Variants in KIR2DL3 observed in about 807,000 individuals in gnomAD.
KIR2DL3 encodes killer cell immunoglobulin like receptor, two Ig domains and long cytoplasmic tail 3, also known as killer cell immunoglobulin-like receptor 2DL3.
Under a neutral mutation model 33.8 loss-of-function variants are expected in KIR2DL3, and 39 were observed. The ratio of observed to expected loss-of-function variants is 1.15; its 90% CI spans 0.89 to 1.51. The LOEUF is 1.51. Ranked by LOEUF, KIR2DL3 falls within the 40% of genes most tolerant of loss-of-function variation. The probability of loss-of-function intolerance (pLI) is 0.00; values close to 1 mark genes in which losing one functional copy is unlikely to be tolerated. For missense variants in KIR2DL3, 462 were observed against 426.2 expected (o/e 1.08, Z -0.74); for synonymous variants, 174 against 160.2 (o/e 1.09, Z -0.65).
chr19:54,739,740 A>T (rs1301286638), intron 2 of KIR2DL3, among the ~76,000 whole-genome samples, 198 bp downstream of exon 2: 1 of 150,502 alleles, frequency 6.6e-6, no homozygotes, highest in African/African-American at 2.5e-5. Flanking sequence ...CCAGGGTTAG[A>T]CTGGGGTGCT....
chr19:54,744,948 A>T (rs1600388243), intron 4 of KIR2DL3, among the ~76,000 whole-genome samples: 3 of 26,252 alleles, frequency 1.1e-4, no homozygotes, highest in African/African-American at 2.6e-4. Context: ...ATATATATAT[A>T]TATATATTTT....
intron 2 of KIR2DL3, among the ~76,000 whole-genome samples, chr19:54,740,275 C>T (rs2146990573): frequency 6.6e-6 from 1 of 152,128 alleles, no homozygotes; most frequent in Non-Finnish European, 1.5e-5. Flanking sequence ...CCAAGGTGGT[C>T]AGGACAAGCC....
chr19:54,742,785 C>T (rs1436472965), intron 3 of KIR2DL3, among the ~76,000 whole-genome samples: 1 of 151,272 alleles, frequency 6.6e-6, no homozygotes, highest in Admixed American at 6.6e-5. Context: ...CCCCAGAACA[C>T]CAACCCCTGT....
At chr19:54,741,139 G>T (rs1441778072) in intron 2 of KIR2DL3, among the ~76,000 whole-genome samples, 4 of 151,190 alleles carry the variant, frequency 2.6e-5, no homozygotes, top group Admixed American at 1.3e-4. Flanking sequence ...GCAGCAACAG[G>T]AAACCAACAC....
chr19:54,752,044 G>C (rs1201030934), intron 6 of KIR2DL3, among the ~76,000 whole-genome samples, 172 bp from the exon 7 acceptor site: 4 of 135,854 alleles, frequency 2.9e-5, no homozygotes, highest in Admixed American at 7.6e-5. Context: ...GGAACTCAGA[G>C]CTATTCATGG....
chr19:54,743,214 A>G (rs1186348478), intron 3 of KIR2DL3, among the ~76,000 whole-genome samples: 70 of 152,210 alleles, frequency 4.6e-4, no homozygotes, highest in Non-Finnish European at 1.5e-5. Flanking sequence ...AGATACATAG[A>G]TGATGATTGA....
chr19:54,747,361 C>G lies in KIR2DL3; in HGVS notation c.691C>G (p.Pro231Ala), dbSNP rs752624771. The G allele has an allele frequency of 6.2e-7, 1 of 1,611,886 alleles. No individual in the cohort carries two copies. The highest frequency in any genetic ancestry group is 2.2e-5 in the East Asian group (1 of 44,874). The change falls in exon 5 of 8, where the codon CCC becomes GCC. Residue 231 changes from proline (P) to alanine (A), a missense_variant. By Grantham distance (27) the Pro-to-Ala change is conservative. Transcript: ENST00000342376. The part of the protein sequence containing the change: ...TGNPSNSWPS[P>A]TEPSSETGNP... Reference sequence around the variant, plus strand: ...AAACCCTTCAAATAGTTGGCCTTCACCCACTGAACCAAGCTCCGAAACCGG... The same window carrying G: ...AAACCCTTCAAATAGTTGGCCTTCAGCCACTGAACCAAGCTCCGAAACCGG...
chr19:54,738,588 T>C lies in KIR2DL3; in HGVS notation c.34+9T>C, dbSNP rs1422008822. 105 of 1,614,042 alleles carry C rather than the reference T, an allele frequency of 6.5e-5. No individual in the cohort carries two copies. In the Middle Eastern group the frequency reaches 2.5e-3, roughly 38 times the overall value. ...CAGCATGGTGTGTGTTGGTGAGTCCTGGAAGGGCATCGAGGGAGGGAGTGC... is the reference window on the plus strand; with the variant it reads ...CAGCATGGTGTGTGTTGGTGAGTCCCGGAAGGGCATCGAGGGAGGGAGTGC... On this transcript the variant is annotated intron_variant, in intron 1 of 7. Transcript: ENST00000342376.
chr19:54,747,230 A>T, intron 4 of KIR2DL3, 105 bp from the exon 5 acceptor site: 4 of 1,409,362 alleles, frequency 2.8e-6, no homozygotes, highest in Non-Finnish European at 4.0e-6. Context: ...CCCAGGGCCC[A>T]ATATTAGATA....
In KIR2DL3 at chr19:54,752,102, G is replaced by A. The variant is rs1600477792; in HGVS notation, c.821-114G>A. Reference sequence around the variant, plus strand: ...GATAGAATGTCTGAGTCTGCTGTTGGCAACTGAGGGACCTCAGGCTCCTAT... The same window carrying A: ...GATAGAATGTCTGAGTCTGCTGTTGACAACTGAGGGACCTCAGGCTCCTAT... On this transcript the variant is annotated intron_variant, in intron 6 of 7. Transcript: ENST00000342376. 1.7e-6 allele frequency: 2 copies of A among 1,183,158 alleles called. 1 individual carries two copies. Among genetic ancestry groups the A allele is most frequent in the South Asian group, 3.0e-5 (2 of 66,092 alleles). The allele number at this position is 1,183,158 out of a possible 1,614,324, so 73.3% of individuals were successfully genotyped here.
At chr19:54,740,268 A>C (rs576402721) in intron 2 of KIR2DL3, among the ~76,000 whole-genome samples, 11 of 152,090 alleles carry the variant, frequency 7.2e-5, no homozygotes, top group East Asian at 1.9e-4. Context: ...CTTCTCCCCA[A>C]GGTGGTCAGG....
At position 54,742,306 on chromosome 19, in the gene KIR2DL3, T is replaced by A. The variant is rs1174958234; in HGVS notation, c.370+27T>A. 8 of 1,612,760 alleles carry A rather than the reference T, an allele frequency of 5.0e-6. No individual in the cohort carries two copies. The African/African-American group carries it at 8.0e-5, about 16-fold the overall frequency. ...TGAGAGTGTCCGGACATTCTCATTG[T>A]CATTGGGATGCAGAGTGAATGATCC... On this transcript the variant is annotated intron_variant, in intron 3 of 7. Transcript: ENST00000342376.
At chr19:54,747,998 G>A (rs1278132409) in intron 5 of KIR2DL3, among the ~76,000 whole-genome samples, 1 of 151,322 alleles carries the variant, frequency 6.6e-6, no homozygotes, top group Non-Finnish European at 1.5e-5. Context: ...TTACAGTGCT[G>A]TAGCTCAAAG....
At chr19:54,739,409 G>A (rs532395987) in intron 1 of KIR2DL3, 98 bp from the exon 2 acceptor site, 18 of 1,599,392 alleles carry the variant, frequency 1.1e-5, no homozygotes, top group African/African-American at 4.0e-5. Flanking sequence ...CTTCAGCCCA[G>A]GAAGGGCCTG....
chr19:54,742,296 A>T lies in KIR2DL3; in HGVS notation c.370+17A>T. 4 of 1,587,988 alleles carry T rather than the reference A, an allele frequency of 2.5e-6. No homozygotes were observed. The highest frequency in any genetic ancestry group is 4.5e-5 in the East Asian group (2 of 44,706). Reference sequence around the variant, plus strand: ...TCATCACAGGTGAGAGTGTCCGGACATTCTCATTGTCATTGGGATGCAGAG... The same window carrying T: ...TCATCACAGGTGAGAGTGTCCGGACTTTCTCATTGTCATTGGGATGCAGAG... On this transcript the variant is annotated intron_variant, in intron 3 of 7. Transcript: ENST00000342376.
At chr19:54,744,934 ATATATATATATATATATATATTTTTTTT>A (rs1568967460) in intron 4 of KIR2DL3, among the ~76,000 whole-genome samples, 1 of 24,636 alleles carries the variant, frequency 4.1e-5, no homozygotes, top group Non-Finnish European at 8.5e-5. Context: ...ATATATATAT[ATATATATATATATATATATATTTTTTTT>A]TTTTTTTTTT....
chr19:54,747,478 C>G (rs1172232339), intron 5 of KIR2DL3, 93 bp downstream of exon 5: 1 of 1,464,364 alleles, frequency 6.8e-7, no homozygotes, highest in African/African-American at 1.4e-5. Context: ...GCAGCTCTGA[C>G]ATTGTACGCC....
At chr19:54,738,871 AGTGGAGATATGGGCCTG>A (rs2070336510) in intron 1 of KIR2DL3, among the ~76,000 whole-genome samples, 2 of 44,822 alleles carry the variant, frequency 4.5e-5, no homozygotes, top group Non-Finnish European at 8.4e-5. Flanking sequence ...AGGGGCCTGG[AGTGGAGATATGGGCCTG>A]GAGTGGAGAT....
intron 2 of KIR2DL3, among the ~76,000 whole-genome samples, chr19:54,741,195 C>T (rs1600319005): frequency 6.6e-6 from 1 of 151,326 alleles, no homozygotes; most frequent in South Asian, 2.1e-4. Flanking sequence ...CAAGGAAAGC[C>T]AGGCATGGTG....
Sources: allele counts gnomAD v4.1 joint callset (sites outside exome capture counted in the v4.1 genomes callset), GRCh38; gene constraint gnomAD v4.1.1; transcripts MANE v1.5; gene names NCBI Gene and HGNC (gene_info 2026-07-23, HGNC 2026-07-21).